Variants in PRRC2C observed in about 807,000 individuals in gnomAD.
PRRC2C encodes the protein protein PRRC2C.
In PRRC2C, 72 loss-of-function variants were observed where a neutral mutation model predicts 317.2. The observed-to-expected ratio is 0.23, with a 90% CI of 0.19 to 0.28. The LOEUF (loss-of-function observed/expected upper bound fraction) is 0.28. Among genes scored for constraint, PRRC2C ranks in the 10% least tolerant of loss-of-function variants. The pLI, the probability that PRRC2C is intolerant of heterozygous loss-of-function variation, is 1.00. For missense variants in PRRC2C, 3,074 were observed against 3,459.7 expected (o/e 0.89, Z 2.80); for synonymous variants, 1,296 against 1,205.9 (o/e 1.07, Z -1.55).
At position 171,532,524 on chromosome 1, in the gene PRRC2C, G is replaced by C. The variant is rs773403036; in HGVS notation, c.1436G>C (p.Arg479Thr). The part of the protein sequence containing the change: ...EEEERRMEEQ[R>T]KAACAEKLKR... ...GAAGAGCGAAGAATGGAAGAACAAA[G>C]GAAGGCAGCTTGTGCGGAGAAACTG... Residue 479 changes from arginine to threonine, a missense_variant, in exon 12 of 35, where the codon AGG becomes ACG. By Grantham distance (71) the Arg-to-Thr change is moderately conservative (BLOSUM62 -1). Around this residue, in one of 11 missense-constraint regions of PRRC2C, gnomAD observed 1,320 missense variants for 1,395.7 expected, o/e 0.95. Transcript: ENST00000647382. 5 of 1,604,282 alleles carry C rather than the reference G, an allele frequency of 3.1e-6. No homozygotes were observed. The highest frequency in any genetic ancestry group is 4.3e-6 in the Non-Finnish European group (5 of 1,175,466).
intron 18 of PRRC2C, among the ~76,000 whole-genome samples, chr1:171,554,934 T>C (rs1325757656): frequency 6.6e-6 from 1 of 152,216 alleles, no homozygotes; most frequent in East Asian, 1.9e-4. Flanking sequence ...CTGACAATTA[T>C]GTGTCTTGGG....
intron 17 of PRRC2C, 137 bp downstream of exon 17, chr1:171,545,824 A>G (rs1351304726): frequency 8.1e-6 from 4 of 496,240 alleles, no homozygotes; most frequent in African/African-American, 2.1e-5. Flanking sequence ...CAAGGTATAC[A>G]TAGTGGCTGA....
In PRRC2C at chr1:171,540,621, C is replaced by T; in HGVS notation, c.3155C>T (p.Pro1052Leu). 1 of 1,613,874 alleles carries T rather than the reference C, an allele frequency of 6.2e-7. No individual in the cohort carries two copies. Among genetic ancestry groups the T allele is most frequent in the Non-Finnish European group, 8.5e-7 (1 of 1,179,886 alleles). The change falls in exon 16 of 35, where the codon CCT becomes CTT. Residue 1052 changes from proline (P) to leucine (L), a missense_variant. By Grantham distance (98) the Pro-to-Leu change is moderately conservative. Coordinates refer to ENST00000647382, the MANE Select transcript of PRRC2C (RefSeq NM_001387844.1). ...EKVTEKVVVK[P>L]EKTEKKDLPP... ...GTCACTGAAAAAGTAGTTGTAAAGC[C>T]TGAAAAGACGGAAAAGAAGGATCTT... is the stretch of plus-strand genomic sequence containing the variant.
intron 20 of PRRC2C, among the ~76,000 whole-genome samples, chr1:171,564,273 T>C (rs967945149): frequency 1.3e-5 from 2 of 152,208 alleles, no homozygotes; most frequent in Non-Finnish European, 2.9e-5. Context: ...TATAATATTG[T>C]CTAAGCTTTT....
Position 171,575,084 on chromosome 1 carries a change from C to T in PRRC2C, c.6911C>T (p.Pro2304Leu), listed in dbSNP as rs141962520. Residue 2304 changes from proline (P) to leucine (L), a missense_variant, in exon 25 of 35, where the codon CCC becomes CTC. By Grantham distance (98) the Pro-to-Leu change is moderately conservative (BLOSUM62 -3). Transcript: ENST00000647382. The stretch of plus-strand genomic sequence containing the variant: ...AATTCGTTCTCAAGTGCATCCATGC[C>T]CCAGATTCCTGTTGCTTCAGTCACT... ...NYNSFSSASM[P>L]QIPVASVTPT... is the part of the protein sequence containing the mutation. 1 of 1,613,744 alleles carries T rather than the reference C, an allele frequency of 6.2e-7. No individual in the cohort carries two copies. The highest frequency in any genetic ancestry group is 8.5e-7 in the Non-Finnish European group (1 of 1,179,870).
At chr1:171,543,310 G>A (rs993056219) in intron 16 of PRRC2C, among the ~76,000 whole-genome samples, 23 of 148,662 alleles carry the variant, frequency 1.5e-4, no homozygotes, top group African/African-American at 4.9e-4. Context: ...GCCACAGAGC[G>A]AGACTCCGTC....
At chr1:171,547,783 A>G (rs747146754) in intron 17 of PRRC2C, among the ~76,000 whole-genome samples, 9 of 151,630 alleles carry the variant, frequency 5.9e-5, no homozygotes, top group Non-Finnish European at 1.3e-4. Flanking sequence ...AGTTAGGATT[A>G]CAGGCACATG....
Position 171,512,999 on chromosome 1 carries a change from A to T in PRRC2C, c.117A>T (p.Ala39=), listed in dbSNP as rs761058939. 1 of 1,598,900 alleles carries T rather than the reference A, an allele frequency of 6.3e-7. No individual in the cohort carries two copies. Reference sequence around the variant, plus strand: ...GTTGATGTTATTGATCTTTAGTTGCAGCTCGACATGGATTACAGAGTCTTG... The same window carrying T: ...GTTGATGTTATTGATCTTTAGTTGCTGCTCGACATGGATTACAGAGTCTTG... ...KSLETQKTTV[A]ARHGLQSLGK... is the part of the protein sequence containing the mutation. The change falls in exon 3 of 35, where the codon GCA becomes GCT. Residue 39 remains alanine (A), a synonymous_variant. Coordinates refer to ENST00000647382, the MANE Select transcript of PRRC2C (RefSeq NM_001387844.1).
rs547311637 is a variant in PRRC2C at position 171,555,204 on chromosome 1, C to T, written c.5128-2036C>T. On this transcript the variant is annotated intron_variant, in intron 18 of 34. Coordinates refer to ENST00000647382, the MANE Select transcript of PRRC2C (RefSeq NM_001387844.1). ...CTAAACTTCTCTTCTCGCTTCATTT[C>T]ATTTATTTGATCTTCAGTCACTGAT... Among the ~76,000 whole-genome samples, 7 of 152,288 alleles carry T rather than the reference C, an allele frequency of 4.6e-5. No individual in the cohort carries two copies. The East Asian group carries it at 1.2e-3, about 25-fold the overall frequency.
chr1:171,561,125 C>T (rs1682604725), intron 20 of PRRC2C, 22 bp downstream of exon 20: 1 of 1,541,684 alleles, frequency 6.5e-7, no homozygotes, highest in Non-Finnish European at 9.0e-7. Flanking sequence ...CTTTTAACAG[C>T]ATAGGTGTGC....
intron 18 of PRRC2C, among the ~76,000 whole-genome samples, chr1:171,552,310 TTTATA>T (rs1680404705): frequency 6.6e-6 from 1 of 152,218 alleles, no homozygotes; most frequent in Non-Finnish European, 1.5e-5. Flanking sequence ...GCACATTGAT[TTTATA>T]TTCTGAGACT....
chr1:171,525,025 G>A (rs1365647719), intron 10 of PRRC2C, 60 bp downstream of exon 10: 2 of 1,325,574 alleles, frequency 1.5e-6, no homozygotes, highest in East Asian at 2.4e-5. Context: ...TAATTACTGT[G>A]TAATACTATG....
At chr1:171,502,870 T>C (rs1669390986) in intron 1 of PRRC2C, among the ~76,000 whole-genome samples, 1 of 152,088 alleles carries the variant, frequency 6.6e-6, no homozygotes, top group African/African-American at 2.4e-5. Context: ...ATTACAGGCA[T>C]GCACCACACA....
chr1:171,542,213 A>T lies in PRRC2C; in HGVS notation c.4747A>T (p.Lys1583Ter). Residue 1583 changes from lysine to a stop codon, truncating the protein, a stop_gained, in exon 16 of 35, where the codon AAA (lysine) becomes TAA (stop). Coordinates refer to ENST00000647382, the MANE Select transcript of PRRC2C (RefSeq NM_001387844.1). LOFTEE classifies it high-confidence loss of function. Reference protein sequence around the residue: ...RNERRSGPPSKSGKRGPFDDQ... With the variant: ...RNERRSGPPS ...TGAAAGGAGAAGTGGCCCACCATCAAAAAGTGGGAAGAGAGGGTGAGTACT... is the reference window on the plus strand; with the variant it reads ...TGAAAGGAGAAGTGGCCCACCATCATAAAGTGGGAAGAGAGGGTGAGTACT... The T allele has an allele frequency of 6.4e-7, 1 of 1,558,284 alleles. No homozygotes were observed. The highest frequency in any genetic ancestry group is 8.6e-7 in the Non-Finnish European group (1 of 1,156,216).
At chr1:171,508,216 G>A (rs12564279) in intron 1 of PRRC2C, among the ~76,000 whole-genome samples, 18,786 of 152,074 alleles carry the variant, frequency 0.12, 1,226 homozygotes, top group East Asian at 0.21. Context: ...TTCTAGCTGT[G>A]TACTAGATTT....
chr1:171,506,926 T>C (rs1422428218), intron 1 of PRRC2C, among the ~76,000 whole-genome samples: 1 of 152,200 alleles, frequency 6.6e-6, no homozygotes, highest in Non-Finnish European at 1.5e-5. Flanking sequence ...AGCTTTTTCT[T>C]AGACAAGGTG....
At position 171,487,273 on chromosome 1, in the gene PRRC2C, A is replaced by G. The variant is rs551591381; in HGVS notation, c.-58+1538A>G. Among the ~76,000 whole-genome samples, 3 of 152,318 alleles carry G rather than the reference A, an allele frequency of 2.0e-5. No homozygotes were observed. The South Asian group carries it at 6.2e-4, about 32-fold the overall frequency. ...TGAAATCTGAGAGAGTAGTCTGACC[A>G]AGGTCACATAGCAGTTATTGGTGGT... On this transcript the variant is annotated intron_variant, in intron 1 of 34. Coordinates refer to ENST00000647382, the MANE Select transcript of PRRC2C (RefSeq NM_001387844.1).
intron 5 of PRRC2C, among the ~76,000 whole-genome samples, chr1:171,516,962 A>G (rs1446846063): frequency 1.3e-5 from 2 of 152,214 alleles, no homozygotes; most frequent in East Asian, 1.9e-4. Context: ...CATATTCTAC[A>G]GGTTACACAG....
chr1:171,547,646 G>GTTT (rs1234305193), intron 17 of PRRC2C, among the ~76,000 whole-genome samples: 1 of 115,070 alleles, frequency 8.7e-6, no homozygotes, highest in African/African-American at 3.4e-5. Context: ...TTTTTTTTTT[G>GTTT]TTTTTTTTTT....
Sources: gnomAD v4.1 joint callset for allele counts (sites outside exome capture counted in the v4.1 genomes callset) on GRCh38, gnomAD v4.1.1 for gene constraint, gnomAD v4.1.1 regional missense constraint, MANE v1.5 for transcripts, NCBI Gene and HGNC (gene_info 2026-07-23, HGNC 2026-07-21) for gene names.